Variants in ENTPD3 observed in about 807,000 individuals in gnomAD.
ENTPD3 encodes the protein CD39 antigen-like 3.
A neutral mutation model predicts 51.2 loss-of-function variants in ENTPD3; 60 were observed. The observed-to-expected ratio is 1.17, with a 90% CI of 0.95 to 1.45. The LOEUF is 1.45. ENTPD3 is among the 40% of genes most tolerant of loss of function. ENTPD3 has a pLI of 0.00. For synonymous variants in ENTPD3, 221 were observed against 238.4 expected, an observed-to-expected ratio of 0.93 and a Z score of 0.67; for missense variants, 593 against 641.1, an observed-to-expected ratio of 0.93 and a Z score of 0.81.
intron 10 of ENTPD3, 26 bp from the exon 11 acceptor site, chr3:40,427,246 G>A (rs368148551): frequency 4.2e-5 from 66 of 1,574,682 alleles, no homozygotes; most frequent in South Asian, 4.1e-4. Context: ...TGCCCTGAGC[G>A]CTGAGCCATC....
At chr3:40,416,739 G>A (rs1411193670) in intron 7 of ENTPD3, among the ~76,000 whole-genome samples, 1 of 152,150 alleles carries the variant, frequency 6.6e-6, no homozygotes, top group Non-Finnish European at 1.5e-5. Context: ...AAACACCAGT[G>A]CTCAGGGGAC....
intron 7 of ENTPD3, among the ~76,000 whole-genome samples, chr3:40,419,456 G>A (rs1278977385): frequency 6.6e-6 from 1 of 152,010 alleles, no homozygotes; most frequent in Non-Finnish European, 1.5e-5. Context: ...ATATCATGTT[G>A]TTCTACTTGC....
chr3:40,389,736 C>G (rs189385097), intron 2 of ENTPD3, among the ~76,000 whole-genome samples: 21 of 152,194 alleles, frequency 1.4e-4, no homozygotes, highest in Non-Finnish European at 2.6e-4. Flanking sequence ...AGACCTACTG[C>G]GTGACTGCCC....
chr3:40,398,391 G>A (rs1238027812), intron 3 of ENTPD3, among the ~76,000 whole-genome samples: 1 of 152,182 alleles, frequency 6.6e-6, no homozygotes. Flanking sequence ...GGCAGGGCGG[G>A]CTGGAGTGGT....
chr3:40,414,000 T>C (rs1955689117), intron 5 of ENTPD3, among the ~76,000 whole-genome samples: 1 of 152,152 alleles, frequency 6.6e-6, no homozygotes, highest in Non-Finnish European at 1.5e-5. Flanking sequence ...TTTCTACCCA[T>C]GGATGAAAGA....
At chr3:40,415,568 T>C (rs115468533) in intron 6 of ENTPD3, among the ~76,000 whole-genome samples, 2,710 of 151,968 alleles carry the variant, frequency 0.018, 70 homozygotes, top group African/African-American at 0.052. Context: ...AGGAACAGAG[T>C]GTAAATCATG....
chr3:40,397,107 G>C (rs1382450267), intron 3 of ENTPD3, among the ~76,000 whole-genome samples: 1 of 109,626 alleles, frequency 9.1e-6, no homozygotes, highest in African/African-American at 3.7e-5. Context: ...GTAAGAGTTG[G>C]ATAATTAGTT....
intron 10 of ENTPD3, chr3:40,424,205 G>A (rs953608057): frequency 1.3e-4 from 124 of 978,746 alleles, no homozygotes; most frequent in Non-Finnish European, 1.5e-4. Context: ...AGGCGGTCCT[G>A]GAGGGCAGAG....
intron 2 of ENTPD3, among the ~76,000 whole-genome samples, chr3:40,388,722 T>G (rs1358509770): frequency 6.6e-6 from 1 of 152,110 alleles, no homozygotes; most frequent in Admixed American, 6.5e-5. Context: ...GTAGGTACCT[T>G]GCAATTACCA....
intron 4 of ENTPD3, among the ~76,000 whole-genome samples, chr3:40,401,918 TTAAC>T (rs1955366675): frequency 6.6e-6 from 1 of 152,162 alleles, no homozygotes; most frequent in African/African-American, 2.4e-5. Context: ...GAGTTTTATA[TTAAC>T]TGTTTCCTTG....
intron 7 of ENTPD3, among the ~76,000 whole-genome samples, chr3:40,421,782 G>T (rs1368247274): frequency 6.6e-6 from 1 of 152,082 alleles, no homozygotes; most frequent in African/African-American, 2.4e-5. Context: ...TATATAAAGT[G>T]CTACCATTTA....
intron 5 of ENTPD3, among the ~76,000 whole-genome samples, chr3:40,413,479 A>G (rs1182389923): frequency 6.6e-6 from 1 of 152,146 alleles, no homozygotes; most frequent in African/African-American, 2.4e-5. Flanking sequence ...ACATATGTAA[A>G]CTTCTTGGTT....
At position 40,427,715 on chromosome 3, in the gene ENTPD3, C is replaced by T; in HGVS notation, c.*207C>T. ...TGTGCATATTGTTCTTCAGAGACCTCACTACCCACATGCTGATCTATTGGG... is the reference window on the plus strand; with the variant it reads ...TGTGCATATTGTTCTTCAGAGACCTTACTACCCACATGCTGATCTATTGGG... On this transcript the variant is annotated 3_prime_UTR_variant, in exon 11 of 11. Coordinates refer to ENST00000301825, the MANE Select transcript of ENTPD3 (RefSeq NM_001248.4). The T allele has an allele frequency of 1.7e-6, 1 of 577,808 alleles. No individual in the cohort carries two copies. The highest frequency in any genetic ancestry group is 1.9e-5 in the African/African-American group (1 of 53,516). The allele number at this position is 577,808 out of a possible 1,614,324, so 35.8% of individuals were successfully genotyped here. A position where few individuals can be genotyped will look rare whatever the true frequency, so the allele number is the denominator to read the frequency against.
chr3:40,423,264 A>G (rs773435073), intron 8 of ENTPD3, 27 bp from the exon 9 acceptor site: 5 of 1,594,060 alleles, frequency 3.1e-6, no homozygotes, highest in South Asian at 2.2e-5. Flanking sequence ...CTGAGAACTA[A>G]TTTTCTTCTG....
intron 8 of ENTPD3, 66 bp downstream of exon 8, chr3:40,423,188 C>T: frequency 1.3e-6 from 2 of 1,574,870 alleles, no homozygotes; most frequent in Non-Finnish European, 1.7e-6. Flanking sequence ...TTTTCTGTTT[C>T]TCCTCTGCTG....
intron 6 of ENTPD3, 33 bp downstream of exon 6, chr3:40,414,873 T>G: frequency 6.2e-7 from 1 of 1,611,030 alleles, no homozygotes; most frequent in Non-Finnish European, 8.5e-7. Flanking sequence ...TTTTTAATCT[T>G]ACTGTTTATC....
intron 4 of ENTPD3, among the ~76,000 whole-genome samples, chr3:40,401,872 G>A (rs1448958793): frequency 2.6e-5 from 4 of 152,202 alleles, no homozygotes; most frequent in South Asian, 2.1e-4. Flanking sequence ...TTAATGATCC[G>A]CCATGCAGCT....
intron 3 of ENTPD3, among the ~76,000 whole-genome samples, chr3:40,399,839 C>T (rs1280329387): frequency 6.6e-6 from 1 of 152,190 alleles, no homozygotes; most frequent in Non-Finnish European, 1.5e-5. Flanking sequence ...CAGCACTGCC[C>T]AGCAACACCT....
intron 10 of ENTPD3, chr3:40,424,724 C>T: frequency 1.4e-6 from 1 of 701,886 alleles, no homozygotes; most frequent in Non-Finnish European, 2.6e-6. Flanking sequence ...TATGTTCAGC[C>T]AGCACTATGT....
Sources: gnomAD v4.1 joint callset for allele counts (sites outside exome capture counted in the v4.1 genomes callset) on GRCh38, gnomAD v4.1.1 for gene constraint, MANE v1.5 for transcripts, NCBI Gene and HGNC (gene_info 2026-07-23, HGNC 2026-07-21) for gene names.